PTPRK: variants seen among roughly 807,000 people sequenced by gnomAD.
PTPRK encodes the protein receptor-type tyrosine-protein phosphatase kappa.
PTPRK carries 75 observed loss-of-function variants against 178.0 expected under a neutral mutation model. The ratio of observed to expected loss-of-function variants is 0.42; its 90% confidence interval spans 0.35 to 0.51. PTPRK has a LOEUF of 0.51. PTPRK is among the 20% of genes least tolerant of loss of function. The pLI is 0.02. For synonymous variants in PTPRK, 637 were observed against 620.6 expected, an observed-to-expected ratio of 1.03 and a Z score of -0.39; for missense variants, 1,441 against 1,797.8, an observed-to-expected ratio of 0.80 and a Z score of 3.59.
At chr6:128,101,314 T>C (rs1788737577) in intron 7 of PTPRK, among the ~76,000 whole-genome samples, 1 of 152,078 alleles carries the variant, frequency 6.6e-6, no homozygotes. Context: ...GCTAATATAA[T>C]GTTTAAAACA....
intron 1 of PTPRK, among the ~76,000 whole-genome samples, chr6:128,503,084 G>A (rs1335190258): frequency 3.3e-5 from 5 of 152,236 alleles, no homozygotes; most frequent in East Asian, 1.9e-4. Context: ...AAAATTAGCC[G>A]GGCGTATGGC....
chr6:128,491,517 G>T (rs1853769148), intron 1 of PTPRK, among the ~76,000 whole-genome samples: 1 of 152,166 alleles, frequency 6.6e-6, no homozygotes, highest in African/African-American at 2.4e-5. Context: ...AAGCAGCCTG[G>T]CTCCGGTGTA....
At chr6:128,275,004 G>C (rs1420921730) in intron 3 of PTPRK, among the ~76,000 whole-genome samples, 2 of 151,816 alleles carry the variant, frequency 1.3e-5, no homozygotes, top group African/African-American at 4.8e-5. Context: ...TGTTTCCAAA[G>C]AGAAGAAAAA....
At chr6:128,175,971 C>T (rs1335882778) in intron 7 of PTPRK, among the ~76,000 whole-genome samples, 1 of 151,806 alleles carries the variant, frequency 6.6e-6, no homozygotes, top group Non-Finnish European at 1.5e-5. Context: ...AAAAGCACAA[C>T]ATCCAAACAT....
chr6:128,308,917 G>A (rs536321092), intron 3 of PTPRK, among the ~76,000 whole-genome samples: 24 of 152,200 alleles, frequency 1.6e-4, no homozygotes, highest in African/African-American at 3.6e-4. Flanking sequence ...GGTGTACACC[G>A]GAGTAGGCCT....
Position 128,446,969 on chromosome 6 carries a change from CTTAT to C in PTPRK, c.101-49285_101-49282del, listed in dbSNP as rs111796483. On this transcript the variant is annotated intron_variant, in intron 1 of 29. Transcript: ENST00000368226. ...ACTGCATAGTTACTTAAATTTTTAT[CTTAT>C]TTATCATAATAAAGTGTAAGCTTCT... Among the ~76,000 whole-genome samples the C allele has an allele frequency of 8.9e-3, 1,354 of 152,210 alleles. 21 individuals carry two copies. Among genetic ancestry groups the C allele is most frequent in the African/African-American group, 0.031 (1,275 of 41,524 alleles).
intron 1 of PTPRK, among the ~76,000 whole-genome samples, chr6:128,440,396 G>A (rs1001806750): frequency 7.9e-5 from 12 of 152,088 alleles, no homozygotes; most frequent in Admixed American, 2.6e-4. Flanking sequence ...TCTTTCCCCC[G>A]ATTTCAGATG....
chr6:128,345,017 C>T (rs1338709016), intron 2 of PTPRK, among the ~76,000 whole-genome samples: 1 of 138,708 alleles, frequency 7.2e-6, no homozygotes, highest in Non-Finnish European at 1.5e-5. Flanking sequence ...AAGTAGGTCT[C>T]AGTATAAGCC....
At chr6:128,515,388 TC>T (rs1857827999) in intron 1 of PTPRK, among the ~76,000 whole-genome samples, 2 of 152,192 alleles carry the variant, frequency 1.3e-5, no homozygotes, top group Non-Finnish European at 2.9e-5. Flanking sequence ...CTTTTTTTTT[TC>T]AGTACTATGA....
chr6:128,173,760 A>C (rs1301094973), intron 7 of PTPRK, among the ~76,000 whole-genome samples: 1 of 151,938 alleles, frequency 6.6e-6, no homozygotes, highest in Non-Finnish European at 1.5e-5. Context: ...TGGAATTCTT[A>C]TCTCCTCTGC....
intron 7 of PTPRK, among the ~76,000 whole-genome samples, chr6:128,155,718 G>T (rs1456581692): frequency 6.6e-6 from 1 of 151,628 alleles, no homozygotes; most frequent in African/African-American, 2.4e-5. Flanking sequence ...TTTTACCTCA[G>T]ACTGGCTAGT....
intron 13 of PTPRK, among the ~76,000 whole-genome samples, chr6:128,011,240 A>T (rs1779017970): frequency 6.6e-6 from 1 of 151,154 alleles, no homozygotes; most frequent in Non-Finnish European, 1.5e-5. Context: ...CATGCAACAA[A>T]TCATCATTAT....
intron 4 of PTPRK, among the ~76,000 whole-genome samples, chr6:128,241,503 T>C (rs1814445894): frequency 6.6e-6 from 1 of 152,220 alleles, no homozygotes; most frequent in Admixed American, 6.5e-5. Flanking sequence ...AGCCTGCTGC[T>C]TACAATGTGT....
chr6:128,414,147 T>C (rs1025242762), intron 1 of PTPRK, among the ~76,000 whole-genome samples: 77 of 152,248 alleles, frequency 5.1e-4, no homozygotes, highest in African/African-American at 1.5e-3. Context: ...TAATAGTAAA[T>C]AGATACTCAC....
chr6:128,505,960 T>C (rs529659812), intron 1 of PTPRK, among the ~76,000 whole-genome samples: 1 of 152,196 alleles, frequency 6.6e-6, no homozygotes, highest in Non-Finnish European at 1.5e-5. Flanking sequence ...AACTACCTCA[T>C]TGTTTTGTGA....
In PTPRK at chr6:128,184,551, T is replaced by C; in HGVS notation, c.1043A>G (p.Tyr348Cys). The C allele has an allele frequency of 6.2e-7, 1 of 1,613,984 alleles. No homozygotes were observed. The highest frequency in any genetic ancestry group is 8.5e-7 in the Non-Finnish European group (1 of 1,179,930). ...ATCTGGATCTAAATGCCATAATTTGTAAGTTGGAGCATTGACTGCATGGGT... is the reference window on the plus strand; with the variant it reads ...ATCTGGATCTAAATGCCATAATTTGCAAGTTGGAGCATTGACTGCATGGGT... ...TETHAVNAPT[Y>C]KLWHLDPDTE... Residue 348 changes from tyrosine to cysteine, a missense_variant, in exon 7 of 30, where the codon TAC becomes TGC. By Grantham distance (194) the Tyr-to-Cys change is radical. This residue lies in a region of PTPRK where 945 missense variants were observed against 1,080.6 expected (regional missense o/e 0.87). Coordinates refer to ENST00000368226, the MANE Select transcript of PTPRK (RefSeq NM_002844.4).
intron 1 of PTPRK, chr6:128,501,241 A>T (rs1203899751): frequency 3.3e-5 from 5 of 152,198 alleles, no homozygotes; most frequent in Admixed American, 3.3e-4. Context: ...TTCATATATA[A>T]GGGAAAGTAA....
At chr6:128,004,742 G>GA (rs1170019512) in intron 15 of PTPRK, among the ~76,000 whole-genome samples, 1 of 151,720 alleles carries the variant, frequency 6.6e-6, no homozygotes, top group Non-Finnish European at 1.5e-5. Context: ...GATGCAAATG[G>GA]AAAAAGAATT....
chr6:128,340,227 T>C (rs1367380644), intron 2 of PTPRK, among the ~76,000 whole-genome samples: 3 of 152,196 alleles, frequency 2.0e-5, no homozygotes, highest in African/African-American at 7.2e-5. Context: ...TGGATCTCTA[T>C]CAAATTTTTA....
Sources: allele counts gnomAD v4.1 joint callset (sites outside exome capture counted in the v4.1 genomes callset), GRCh38; gene constraint gnomAD v4.1.1; regional missense constraint gnomAD v4.1.1; transcripts MANE v1.5; gene names NCBI Gene and HGNC (gene_info 2026-07-23, HGNC 2026-07-21).